Variants in SRBD1 observed in about 807,000 individuals in gnomAD.
SRBD1 encodes S1 RNA-binding domain-containing protein 1.
Under a neutral mutation model 115.3 loss-of-function variants are expected in SRBD1, and 88 were observed. That is an observed-to-expected ratio of 0.76 (90% CI 0.64 to 0.91). The LOEUF (loss-of-function observed/expected upper bound fraction) is 0.91, where lower values mean the gene tolerates loss of function less well. Ranked by LOEUF, SRBD1 falls within the 40% of genes least tolerant of loss-of-function variation. SRBD1 has a pLI of 0.00. For missense variants in SRBD1, 1,385 were observed against 1,177.4 expected (o/e 1.18, Z -2.58); for synonymous variants, 509 against 407.7 (o/e 1.25, Z -2.99).
chr2:45,585,579 C>T, intron 5 of SRBD1, 29 bp downstream of exon 5: 2 of 1,596,034 alleles, frequency 1.3e-6, no homozygotes, highest in Non-Finnish European at 1.7e-6. Flanking sequence ...TCCCCTTACA[C>T]TAGGCTTATT....
chr2:45,599,364 C>A, intron 4 of SRBD1, 85 bp downstream of exon 4: 4 of 1,495,384 alleles, frequency 2.7e-6, no homozygotes, highest in Non-Finnish European at 3.6e-6. Context: ...AACCCCCAGC[C>A]CTTCCCTTAG....
In SRBD1 at chr2:45,599,651, C is replaced by G. The variant is rs752365141; in HGVS notation, c.446G>C (p.Ser149Thr). ...TGTGGATGGTGTCTCTGAACTATTA[C>G]TCTCACCCTCTAAGTTGCTGGCTTT... The part of the protein sequence containing the change: ...TSKASNLEGE[S>T]NSSETPSTST... The change falls in exon 4 of 21, where the codon AGT becomes ACT. Residue 149 changes from serine to threonine, a missense_variant. Coordinates refer to ENST00000263736, the MANE Select transcript of SRBD1 (RefSeq NM_018079.5). The G allele has an allele frequency of 1.9e-6, 3 of 1,614,230 alleles. No individual in the cohort carries two copies. Among genetic ancestry groups the G allele is most frequent in the Admixed American group, 3.3e-5 (2 of 60,028 alleles).
chr2:45,523,908 T>C (rs942289911), intron 14 of SRBD1, among the ~76,000 whole-genome samples: 2 of 151,974 alleles, frequency 1.3e-5, no homozygotes, highest in African/African-American at 4.8e-5. Flanking sequence ...TGAATATGAA[T>C]GCAAAAATTC....
chr2:45,426,846 C>T (rs1394533565), intron 16 of SRBD1, among the ~76,000 whole-genome samples: 4 of 152,162 alleles, frequency 2.6e-5, no homozygotes, highest in Admixed American at 2.0e-4. Context: ...ATCCGAAGGT[C>T]ACCAACATCA....
At chr2:45,467,794 CTGATTA>C (rs899452779) in intron 16 of SRBD1, among the ~76,000 whole-genome samples, 1 of 151,982 alleles carries the variant, frequency 6.6e-6, no homozygotes, top group African/African-American at 2.4e-5. Flanking sequence ...TTACCTTTTT[CTGATTA>C]TAAGTAAATT....
chr2:45,542,663 T>C (rs1424948071), intron 14 of SRBD1, among the ~76,000 whole-genome samples: 5 of 152,218 alleles, frequency 3.3e-5, no homozygotes, highest in Non-Finnish European at 7.3e-5. Context: ...ATGTACCGTA[T>C]ACCATATACC....
intron 4 of SRBD1, among the ~76,000 whole-genome samples, chr2:45,597,913 G>C (rs563183158): frequency 6.6e-6 from 1 of 152,288 alleles, no homozygotes; most frequent in Admixed American, 6.5e-5. Flanking sequence ...AAGTCTCAAA[G>C]ACCAGAGACT....
At chr2:45,582,526 C>T (rs142261750) in intron 5 of SRBD1, among the ~76,000 whole-genome samples, 1 of 152,028 alleles carries the variant, frequency 6.6e-6, no homozygotes, top group African/African-American at 2.4e-5. Flanking sequence ...TATAATTATC[C>T]CATTCCTCAT....
chr2:45,579,883 T>G lies in SRBD1; in HGVS notation c.1064A>C (p.Asp355Ala). 1 of 1,578,966 alleles carries G rather than the reference T, an allele frequency of 6.3e-7. No homozygotes were observed. Residue 355 changes from aspartate (D) to alanine (A), a missense_variant, in exon 7 of 21, where the codon GAC becomes GCC. By Grantham distance (126) the Asp-to-Ala change is moderately radical (BLOSUM62 -2). Coordinates refer to ENST00000263736, the MANE Select transcript of SRBD1 (RefSeq NM_018079.5). ...ELSLLSYIRPDVKGLSTLQDI... is the reference protein window; with the variant it reads ...ELSLLSYIRPAVKGLSTLQDI... ...GTAAATAAAGCCAGTACCTTTAACG[T>G]CAGGCCTAATGTACGATAGCAGACT...
intron 19 of SRBD1, among the ~76,000 whole-genome samples, chr2:45,408,767 A>C (rs1243309307): frequency 6.6e-6 from 1 of 152,204 alleles, no homozygotes; most frequent in African/African-American, 2.4e-5. Context: ...AACTAAAATA[A>C]GTTACAGTTC....
At chr2:45,552,574 A>G (rs759122779) in intron 11 of SRBD1, among the ~76,000 whole-genome samples, 13 of 152,210 alleles carry the variant, frequency 8.5e-5, no homozygotes, top group African/African-American at 2.9e-4. Flanking sequence ...AAAACATACA[A>G]AAAGAAATTG....
rs369447757 is a variant in SRBD1 at position 45,393,152 on chromosome 2, C to T, written c.2514-23G>A. 1.6e-4 allele frequency: 254 copies of T among 1,579,288 alleles called. No individual in the cohort carries two copies. In the Admixed American group the frequency reaches 2.6e-3, roughly 16 times the overall value. ...AACCTGCAGTGGAAAAAATAAAAAG[C>T]GCAACACTTAACAATATTACTCCTT... On this transcript the variant is annotated intron_variant, in intron 19 of 20. Coordinates refer to ENST00000263736, the MANE Select transcript of SRBD1 (RefSeq NM_018079.5).
intron 16 of SRBD1, among the ~76,000 whole-genome samples, chr2:45,439,423 A>G (rs928502148): frequency 1.3e-5 from 2 of 151,070 alleles, no homozygotes; most frequent in Non-Finnish European, 3.0e-5. Context: ...ATATATATAT[A>G]GCACAAAGAA....
intron 16 of SRBD1, among the ~76,000 whole-genome samples, chr2:45,464,144 C>T (rs1263819532): frequency 1.3e-5 from 2 of 151,760 alleles, no homozygotes; most frequent in Non-Finnish European, 2.9e-5. Context: ...GAGATGTATG[C>T]TAAATTAAAG....
intron 14 of SRBD1, 114 bp downstream of exon 14, chr2:45,546,618 G>C: frequency 2.0e-6 from 2 of 1,023,014 alleles, no homozygotes; most frequent in Non-Finnish European, 3.0e-6. Context: ...CCAAGAGGTG[G>C]TCTGGAGGGC....
chr2:45,551,833 A>T (rs1479560591), intron 11 of SRBD1, among the ~76,000 whole-genome samples: 6 of 152,238 alleles, frequency 3.9e-5, no homozygotes. Flanking sequence ...GACAAACAAG[A>T]TCAGCTGAAA....
chr2:45,539,671 C>T (rs961608068), intron 14 of SRBD1, among the ~76,000 whole-genome samples: 15 of 152,088 alleles, frequency 9.9e-5, no homozygotes, highest in Non-Finnish European at 1.8e-4. Context: ...AAACTCAAGC[C>T]GAGAATTTAA....
intron 17 of SRBD1, among the ~76,000 whole-genome samples, chr2:45,419,397 T>G (rs919625700): frequency 5.9e-5 from 9 of 152,200 alleles, no homozygotes; most frequent in African/African-American, 1.4e-4. Flanking sequence ...TAACCATACC[T>G]TGAACCCTCA....
At chr2:45,576,454 C>G (rs1673180842) in intron 7 of SRBD1, among the ~76,000 whole-genome samples, 1 of 152,038 alleles carries the variant, frequency 6.6e-6, no homozygotes, top group African/African-American at 2.4e-5. Flanking sequence ...GGTTGTTCCC[C>G]TAATCTCTGT....
Sources: gnomAD v4.1 joint callset for allele counts (sites outside exome capture counted in the v4.1 genomes callset) on GRCh38, gnomAD v4.1.1 for gene constraint, MANE v1.5 for transcripts, NCBI Gene and HGNC (gene_info 2026-07-23, HGNC 2026-07-21) for gene names.